HIRA: variants seen among roughly 807,000 people sequenced by gnomAD.
HIRA encodes histone cell cycle regulator.
In HIRA, 13 loss-of-function variants were observed where a neutral mutation model predicts 126.6. The observed-to-expected ratio is 0.10, with a 90% CI of 0.07 to 0.16. The LOEUF (loss-of-function observed/expected upper bound fraction) is 0.16, where lower values mean the gene tolerates loss of function less well. HIRA is among the 10% of genes least tolerant of loss of function. The probability of loss-of-function intolerance (pLI) is 1.00; values close to 1 mark genes in which losing one functional copy is unlikely to be tolerated. For missense variants in HIRA, 834 were observed against 1,314.4 expected, an observed-to-expected ratio of 0.63 and a Z score of 5.65; for synonymous variants, 511 against 520.0, an observed-to-expected ratio of 0.98 and a Z score of 0.24.
chr22:19,359,557 G>A, intron 17 of HIRA, 73 bp from the exon 18 acceptor site: 1 of 1,406,172 alleles, frequency 7.1e-7, no homozygotes. Flanking sequence ...AGGCTCTGTA[G>A]CCTGGGGCCC....
rs766114426 is a variant in HIRA at position 19,383,616 on chromosome 22, G to A, written c.1415+4C>T. 164 of 1,609,370 alleles carry A rather than the reference G, an allele frequency of 1.0e-4. No individual in the cohort carries two copies. The highest frequency in any genetic ancestry group is 1.4e-4 in the Non-Finnish European group (159 of 1,175,852). On this transcript the variant is annotated splice_donor_region_variant and intron_variant, in intron 13 of 24. Coordinates refer to ENST00000263208, the MANE Select transcript of HIRA (RefSeq NM_003325.4). ...AAGACCATGAAAGGGGAATGAACCA[G>A]TACCCAGTGTCCAGCTGTGCTATGC...
At position 19,388,510 on chromosome 22, in the gene HIRA, A is replaced by G. The variant is rs757988899; in HGVS notation, c.981T>C (p.Phe327=). ...KRPLVVIHEL[F]DKSIMDISWT... is the part of the protein sequence containing the mutation. ...AGGAAATATCCATGATGGATTTGTC[A>G]AACAGTTCATGGATGACCACCAGCG... Residue 327 remains phenylalanine, a synonymous_variant, in exon 10 of 25, where the codon TTT becomes TTC. Transcript: ENST00000263208. 1 of 1,613,586 alleles carries G rather than the reference A, an allele frequency of 6.2e-7. No individual in the cohort carries two copies.
intron 9 of HIRA, among the ~76,000 whole-genome samples, chr22:19,390,914 A>AG (rs2089174929): frequency 6.6e-6 from 1 of 151,962 alleles, no homozygotes; most frequent in African/African-American, 2.4e-5. Flanking sequence ...GCAATGTATC[A>AG]GTTCCAGCTT....
At chr22:19,387,680 G>T (rs1034629628) in intron 11 of HIRA, 31 bp downstream of exon 11, 1 of 1,560,472 alleles carries the variant, frequency 6.4e-7, no homozygotes, top group Non-Finnish European at 8.8e-7. Flanking sequence ...TGGCCACAGA[G>T]CACCCAGCAG....
Position 19,351,210 on chromosome 22 carries a change from T to A in HIRA, c.2937+148A>T, listed in dbSNP as rs2088753924. ...CAGGTTGTGGAGGGCCGTCGGCATG[T>A]CACCCTCTCACTGATGCTGGGACCT... On this transcript the variant is annotated intron_variant, in intron 24 of 24. Transcript: ENST00000263208. The surrounding 1 kb of genome is among the most constrained non-coding windows in gnomAD (Gnocchi z 4.8). The A allele has an allele frequency of 7.2e-7, 1 of 1,389,980 alleles. No homozygotes were observed. Among genetic ancestry groups the A allele is most frequent in the African/African-American group, 1.5e-5 (1 of 68,048 alleles). 86.1% of individuals were successfully genotyped at this position (1,389,980 alleles called of 1,614,324 possible).
chr22:19,333,970 CTCATTT>C (rs1432711702), intron 24 of HIRA, among the ~76,000 whole-genome samples: 1 of 151,640 alleles, frequency 6.6e-6, no homozygotes, highest in Non-Finnish European at 1.5e-5. Flanking sequence ...TGTTGATACT[CTCATTT>C]TCTTTTTTTT....
Position 19,353,988 on chromosome 22 carries a change from T to G in HIRA, c.2684+8A>C, listed in dbSNP as rs1368239086. On this transcript the variant is annotated splice_region_variant and intron_variant, in intron 22 of 24. Coordinates refer to ENST00000263208, the MANE Select transcript of HIRA (RefSeq NM_003325.4). The stretch of plus-strand genomic sequence containing the variant: ...AAGGACAGTGGCCATGGCATTCAGG[T>G]CACGTACTTGGAGGTGCGGCCCTGG... The G allele has an allele frequency of 1.1e-5, 18 of 1,612,622 alleles. No individual in the cohort carries two copies. Among genetic ancestry groups the G allele is most frequent in the Non-Finnish European group, 1.4e-5 (17 of 1,179,538 alleles).
chr22:19,346,638 G>T (rs5748144), intron 24 of HIRA, among the ~76,000 whole-genome samples: 7,270 of 152,278 alleles, frequency 0.048, 376 homozygotes, highest in East Asian at 0.12. Context: ...GTGCCCAAGT[G>T]ATTTAATGGT....
chr22:19,378,788 A>C (rs1296113722), intron 13 of HIRA, among the ~76,000 whole-genome samples: 1 of 152,230 alleles, frequency 6.6e-6, no homozygotes, highest in East Asian at 1.9e-4. Context: ...AGATTCACAT[A>C]ATATATGGGA....
At position 19,394,380 on chromosome 22, in the gene HIRA, T is replaced by C. The variant is rs1312472186; in HGVS notation, c.784A>G (p.Met262Val). 10 of 1,614,210 alleles carry C rather than the reference T, an allele frequency of 6.2e-6. No individual in the cohort carries two copies. The highest frequency in any genetic ancestry group is 5.9e-6 in the Non-Finnish European group (7 of 1,180,034). Residue 262 changes from methionine (M) to valine (V), a missense_variant, in exon 8 of 25, where the codon ATG becomes GTG. This residue lies in a region of HIRA where 53 missense variants were observed against 163.7 expected (regional missense o/e 0.32). Coordinates refer to ENST00000263208, the MANE Select transcript of HIRA (RefSeq NM_003325.4). The part of the protein sequence containing the change: ...IIEREGWKTN[M>V]DFVGHRKAVT... ...GCTTTCCGGTGCCCAACAAAGTCCA[T>C]GTTGGTCTTCCATCCCTCCCGTTCG...
At chr22:19,356,186 C>T (rs1556012489) in intron 20 of HIRA, 44 bp downstream of exon 20, 1 of 1,568,024 alleles carries the variant, frequency 6.4e-7, no homozygotes, top group Admixed American at 1.7e-5. Context: ...CAGACATGAA[C>T]TTGGGCCCCC....
intron 1 of HIRA, among the ~76,000 whole-genome samples, chr22:19,418,893 G>T (rs1428000389): frequency 6.6e-6 from 1 of 151,622 alleles, no homozygotes; most frequent in Non-Finnish European, 1.5e-5. Context: ...ATACAATTCG[G>T]TGTGAATCTA....
At chr22:19,376,176 CTCA>C (rs1472569571) in intron 14 of HIRA, among the ~76,000 whole-genome samples, 1 of 152,170 alleles carries the variant, frequency 6.6e-6, no homozygotes, top group African/African-American at 2.4e-5. Flanking sequence ...GACAATGAGT[CTCA>C]TGAGATAAGC....
chr22:19,381,133 T>A (rs2089069705), intron 13 of HIRA, among the ~76,000 whole-genome samples: 1 of 152,356 alleles, frequency 6.6e-6, no homozygotes, highest in South Asian at 2.1e-4. Flanking sequence ...AAGATATGCA[T>A]CTCTGGTTGC....
intron 1 of HIRA, chr22:19,430,344 A>C (rs2089522035): frequency 6.6e-6 from 1 of 152,328 alleles, no homozygotes; most frequent in Non-Finnish European, 1.5e-5. Flanking sequence ...AGATGGAAGG[A>C]GAGAGAGGTG....
chr22:19,426,619 A>T (rs2089490283), intron 1 of HIRA, among the ~76,000 whole-genome samples: 2 of 152,166 alleles, frequency 1.3e-5, no homozygotes, highest in Non-Finnish European at 2.9e-5. Flanking sequence ...AATCTCTCTC[A>T]TCTATCTTCC....
intron 24 of HIRA, among the ~76,000 whole-genome samples, chr22:19,347,249 T>A (rs1458967342): frequency 1.3e-5 from 2 of 152,220 alleles, no homozygotes; most frequent in East Asian, 3.9e-4. Flanking sequence ...TCAATCTGGG[T>A]TCTTCACTTG....
At chr22:19,396,286 C>A (rs757961442) in intron 7 of HIRA, among the ~76,000 whole-genome samples, 6 of 152,172 alleles carry the variant, frequency 3.9e-5, no homozygotes, top group Non-Finnish European at 7.3e-5. Context: ...GAAGCTGAAG[C>A]GGGTAGATCA....
intron 21 of HIRA, among the ~76,000 whole-genome samples, chr22:19,355,180 C>G (rs2088799344): frequency 6.6e-6 from 1 of 151,886 alleles, no homozygotes; most frequent in South Asian, 2.1e-4. Flanking sequence ...TCTTAAGGAC[C>G]AAAGGTATAG....
Sources: gnomAD v4.1 joint callset for allele counts (sites outside exome capture counted in the v4.1 genomes callset) on GRCh38, gnomAD v4.1.1 for gene constraint, gnomAD v4.1.1 regional missense constraint, Gnocchi (gnomAD v3.1) non-coding constraint, MANE v1.5 for transcripts, NCBI Gene and HGNC (gene_info 2026-07-23, HGNC 2026-07-21) for gene names.